The following IMMP2L variants were observed in gnomAD, a reference collection of about 807,000 sequenced individuals.
IMMP2L encodes mitochondrial inner membrane protease subunit 2.
A neutral mutation model predicts 19.3 loss-of-function variants in IMMP2L; 18 were observed. The ratio of observed to expected loss-of-function variants is 0.93; its 90% CI spans 0.64 to 1.38. IMMP2L has a LOEUF of 1.38. IMMP2L is among the 40% of genes most tolerant of loss of function. The pLI, the probability that IMMP2L is intolerant of heterozygous loss-of-function variation, is 0.00. For missense variants in IMMP2L, 233 were observed against 218.2 expected (o/e 1.07, Z -0.43); for synonymous variants, 76 against 73.0 (o/e 1.04, Z -0.21).
At chr7:111,243,562 T>G in intron 3 of IMMP2L, among the ~76,000 whole-genome samples, 1 of 144,012 alleles carries the variant, frequency 6.9e-6, no homozygotes, top group Non-Finnish European at 1.5e-5. Flanking sequence ...CATGTGCACA[T>G]TGTGCAGGTT....
chr7:111,410,706 A>C (rs1834332665), intron 3 of IMMP2L, among the ~76,000 whole-genome samples: 2 of 151,854 alleles, frequency 1.3e-5, no homozygotes, highest in African/African-American at 4.9e-5. Flanking sequence ...ACATAACGAG[A>C]AGACAAAGAG....
At chr7:110,768,838 T>A (rs1373328610) in intron 5 of IMMP2L, among the ~76,000 whole-genome samples, 1 of 152,190 alleles carries the variant, frequency 6.6e-6, no homozygotes, top group Non-Finnish European at 1.5e-5. Context: ...AAAACCCATG[T>A]TGTCTAGTCC....
intron 3 of IMMP2L, among the ~76,000 whole-genome samples, chr7:111,384,226 G>C (rs1417267114): frequency 1.9e-5 from 2 of 104,042 alleles, no homozygotes; most frequent in East Asian, 2.2e-4. Context: ...GGAGAGAGGA[G>C]AAAGGAGAGA....
At chr7:110,912,914 T>C (rs998395084) in intron 4 of IMMP2L, among the ~76,000 whole-genome samples, 3 of 151,950 alleles carry the variant, frequency 2.0e-5, no homozygotes, top group African/African-American at 7.2e-5. Flanking sequence ...ACTTCCAGTA[T>C]GCAGAATGGC....
At chr7:110,862,217 T>C (rs10234901) in intron 5 of IMMP2L, among the ~76,000 whole-genome samples, 15,342 of 151,774 alleles carry the variant, frequency 0.1, 1,236 homozygotes, top group African/African-American at 0.22. Flanking sequence ...AAGTCAATTT[T>C]TTTTAATATA....
At chr7:110,844,261 T>C (rs912759201) in intron 5 of IMMP2L, among the ~76,000 whole-genome samples, 29 of 152,118 alleles carry the variant, frequency 1.9e-4, no homozygotes, top group African/African-American at 6.5e-4. Context: ...TAACAAATTA[T>C]TAAATAAATA....
In IMMP2L at chr7:111,116,406, T is replaced by C. The variant is rs1799884192; in HGVS notation, c.240-152841A>G. ...TATCAGATTTGAGAATCTGAAAATATCAGAATCCACTCTAAAACCACTCTA... is the reference window on the plus strand; with the variant it reads ...TATCAGATTTGAGAATCTGAAAATACCAGAATCCACTCTAAAACCACTCTA... On this transcript the variant is annotated intron_variant, in intron 3 of 5. Transcript: ENST00000405709. Among the ~76,000 whole-genome samples the C allele has an allele frequency of 2.6e-5, 4 of 152,168 alleles. No homozygotes were observed. In the South Asian group the frequency reaches 8.3e-4, roughly 32 times the overall value.
At chr7:111,309,249 A>G (rs1823230592) in intron 3 of IMMP2L, among the ~76,000 whole-genome samples, 1 of 152,294 alleles carries the variant, frequency 6.6e-6, no homozygotes, top group South Asian at 2.1e-4. Context: ...AACAAACAGT[A>G]CACGTGGAAA....
intron 3 of IMMP2L, among the ~76,000 whole-genome samples, chr7:111,047,378 G>T (rs1032136245): frequency 1.3e-5 from 2 of 151,922 alleles, no homozygotes; most frequent in Non-Finnish European, 2.9e-5. Flanking sequence ...AGTACAGAAG[G>T]GGTTTCTCCA....
chr7:111,424,637 A>G (rs1309620193), intron 3 of IMMP2L, among the ~76,000 whole-genome samples: 3 of 151,840 alleles, frequency 2.0e-5, no homozygotes, highest in Non-Finnish European at 4.4e-5. Flanking sequence ...TTAAAACTAT[A>G]TCTTAAATAT....
chr7:110,813,679 T>C (rs1802214156), intron 5 of IMMP2L, among the ~76,000 whole-genome samples: 1 of 151,518 alleles, frequency 6.6e-6, no homozygotes, highest in African/African-American at 2.4e-5. Context: ...TAACTGTAGA[T>C]AAAAATAAGA....
At chr7:111,513,850 C>T (rs868120965) in intron 2 of IMMP2L, among the ~76,000 whole-genome samples, 1 of 151,898 alleles carries the variant, frequency 6.6e-6, no homozygotes, top group East Asian at 1.9e-4. Context: ...TATTATTCAG[C>T]TTTTAAAAAG....
chr7:111,450,041 C>G (rs1205578456), intron 3 of IMMP2L, among the ~76,000 whole-genome samples: 3 of 151,458 alleles, frequency 2.0e-5, no homozygotes, highest in Non-Finnish European at 4.4e-5. Context: ...CTACAAACCA[C>G]TGCTCAAGGA....
chr7:110,846,365 T>TG, intron 5 of IMMP2L, among the ~76,000 whole-genome samples: 3 of 135,642 alleles, frequency 2.2e-5, no homozygotes, highest in African/African-American at 5.3e-5. Flanking sequence ...TTTTTTTTTT[T>TG]TTTGTTGTTG....
intron 5 of IMMP2L, among the ~76,000 whole-genome samples, chr7:110,778,794 A>G (rs754238219): frequency 2.0e-5 from 3 of 151,896 alleles, no homozygotes; most frequent in African/African-American, 4.8e-5. Flanking sequence ...TCCAAATACT[A>G]TTCAGCTATA....
intron 3 of IMMP2L, among the ~76,000 whole-genome samples, chr7:111,345,311 C>A (rs1469043195): frequency 6.6e-6 from 1 of 152,016 alleles, no homozygotes; most frequent in Non-Finnish European, 1.5e-5. Flanking sequence ...TCAACATGAT[C>A]AGGTTCATTT....
chr7:111,038,240 A>G (rs1791541064), intron 3 of IMMP2L, among the ~76,000 whole-genome samples: 1 of 152,190 alleles, frequency 6.6e-6, no homozygotes, highest in Admixed American at 6.5e-5. Context: ...ATTTTTATAA[A>G]ATCTAAATGC....
intron 3 of IMMP2L, among the ~76,000 whole-genome samples, chr7:111,184,860 A>C (rs1000621395): frequency 6.6e-6 from 1 of 152,020 alleles, no homozygotes; most frequent in Non-Finnish European, 1.5e-5. Flanking sequence ...CACCCAACCC[A>C]CCCTCAAATT....
chr7:111,003,423 A>C (rs1823936885), intron 3 of IMMP2L, among the ~76,000 whole-genome samples: 1 of 152,176 alleles, frequency 6.6e-6, no homozygotes, highest in Non-Finnish European at 1.5e-5. Flanking sequence ...TCATACAAAA[A>C]CCTTCTGATT....
Sources: allele counts gnomAD v4.1 joint callset (sites outside exome capture counted in the v4.1 genomes callset), GRCh38; gene constraint gnomAD v4.1.1; transcripts MANE v1.5; gene names NCBI Gene and HGNC (gene_info 2026-07-23, HGNC 2026-07-21).